Variants in PRKCH observed in about 807,000 individuals in gnomAD.
The protein encoded by PRKCH is protein kinase C eta type.
Under a neutral mutation model 82.5 loss-of-function variants are expected in PRKCH, and 28 were observed. That is an observed-to-expected ratio of 0.34 (90% CI 0.25 to 0.47). The LOEUF is 0.47. PRKCH is among the 20% of genes least tolerant of loss of function. PRKCH has a pLI of 1.00. For synonymous variants in PRKCH, 322 were observed against 327.4 expected, an observed-to-expected ratio of 0.98 and a Z score of 0.18; for missense variants, 705 against 881.8, an observed-to-expected ratio of 0.80 and a Z score of 2.54.
At chr14:61,385,232 A>C (rs2046569738) in intron 1 of PRKCH, among the ~76,000 whole-genome samples, 1 of 151,254 alleles carries the variant, frequency 6.6e-6, no homozygotes, top group African/African-American at 2.5e-5. Flanking sequence ...ACACTCTGTC[A>C]GTGCATTAGC....
chr14:61,211,992 G>C (rs942896411), intron 1 of PRKCH, among the ~76,000 whole-genome samples: 2 of 152,154 alleles, frequency 1.3e-5, no homozygotes, highest in Non-Finnish European at 2.9e-5. Context: ...CACAGCACCA[G>C]AGATTTTTTC....
At chr14:61,281,287 C>T (rs1025397456) in intron 1 of PRKCH, 1 of 414,300 alleles carries the variant, frequency 2.4e-6, no homozygotes, top group Non-Finnish European at 4.2e-6. Context: ...TTGCCCGGGC[C>T]CCTCCTCTGC....
At chr14:61,334,696 G>A (rs1056743078) in intron 1 of PRKCH, among the ~76,000 whole-genome samples, 4 of 152,130 alleles carry the variant, frequency 2.6e-5, no homozygotes, top group Non-Finnish European at 5.9e-5. Flanking sequence ...GAGTGTGAAC[G>A]ATGAGCAAGT....
At chr14:61,459,620 T>C (rs1026998708) in intron 9 of PRKCH, among the ~76,000 whole-genome samples, 2 of 152,222 alleles carry the variant, frequency 1.3e-5, no homozygotes, top group African/African-American at 2.4e-5. Context: ...TCAGGTTGTA[T>C]GTTTTAATTA....
Position 61,445,724 on chromosome 14 carries a change from A to T in PRKCH, c.611A>T (p.Gln204Leu), listed in dbSNP as rs1284143931. 1 of 1,606,968 alleles carries T rather than the reference A, an allele frequency of 6.2e-7. No individual in the cohort carries two copies. Residue 204 changes from glutamine to leucine, a missense_variant and splice_region_variant, in exon 4 of 14, where the codon CAA becomes CTA. Transcript: ENST00000332981. ...GVFGKQGYQC[Q>L]VCTCVVHKRC... ...TTTGGGAAACAGGGTTATCAGTGCC[A>T]AGGTAAGGAAACATTTTTAAAACCA...
chr14:61,318,331 G>T (rs1230276819), upstream of PRKCH, among the ~76,000 whole-genome samples: 2 of 151,144 alleles, frequency 1.3e-5, no homozygotes, highest in Admixed American at 1.3e-4. Context: ...CTTCCCCTGT[G>T]AACACAGGCA....
At chr14:61,199,414 T>C (rs1047951680) in intron 1 of PRKCH, among the ~76,000 whole-genome samples, 1 of 152,258 alleles carries the variant, frequency 6.6e-6, no homozygotes, top group Admixed American at 6.5e-5. Context: ...CTAAAAATTC[T>C]AAAATGAAGT....
chr14:61,188,704 A>AGTGTGTGTGTGTGTGTGTGTGTGT lies in PRKCH; in HGVS notation c.-19+1048_-19+1071dup, dbSNP rs754540967. 2.5e-4 allele frequency among the ~76,000 whole-genome samples: 22 copies of AGTGTGTGTGTGTGTGTGTGTGTGT among 87,884 alleles called. 1 individual carries two copies. The highest frequency in any genetic ancestry group is 5.1e-4 in the Admixed American group (4 of 7,824). The allele number at this position is 87,884 out of a possible 152,430, so 57.7% of individuals were successfully genotyped here. On this transcript the variant is annotated intron_variant, in intron 1 of 3. Transcript: ENST00000555185. ...CCTCCTCACCCCCAGACGTTGCTGT[A>AGTGTGTGTGTGTGTGTGTGTGTGT]GTGTGTGTGTGTGTGTGTGTGTGTG...
chr14:61,512,436 T>C (rs889464308), intron 10 of PRKCH, among the ~76,000 whole-genome samples: 2 of 152,070 alleles, frequency 1.3e-5, no homozygotes, highest in Non-Finnish European at 2.9e-5. Flanking sequence ...CGATTCCTAG[T>C]AAAAAATTTT....
intron 1 of PRKCH, among the ~76,000 whole-genome samples, chr14:61,231,261 C>T (rs2044740656): frequency 6.6e-6 from 1 of 152,110 alleles, no homozygotes; most frequent in African/African-American, 2.4e-5. Context: ...CAATTCAATA[C>T]ACACAGGGTT....
intron 1 of PRKCH, among the ~76,000 whole-genome samples, chr14:61,289,192 G>C (rs1449676026): frequency 6.6e-6 from 1 of 152,172 alleles, no homozygotes; most frequent in Non-Finnish European, 1.5e-5. Flanking sequence ...TCCTTAATAA[G>C]AACATCTCTA....
At chr14:61,210,800 G>GTT in intron 1 of PRKCH, among the ~76,000 whole-genome samples, 1 of 151,700 alleles carries the variant, frequency 6.6e-6, no homozygotes, top group Admixed American at 6.6e-5. Flanking sequence ...CTGTGTGTGT[G>GTT]TGTGTGTGTG....
At chr14:61,294,801 T>A (rs1731712249) in intron 1 of PRKCH, among the ~76,000 whole-genome samples, 2 of 151,950 alleles carry the variant, frequency 1.3e-5, no homozygotes, top group Non-Finnish European at 2.9e-5. Context: ...GCAAAAAAAA[T>A]ATCAGTATAT....
chr14:61,309,014 T>C (rs1260036861), intron 1 of PRKCH, among the ~76,000 whole-genome samples: 2 of 150,068 alleles, frequency 1.3e-5, no homozygotes, highest in Non-Finnish European at 2.9e-5. Flanking sequence ...CGGGGCACCA[T>C]GTCTCATGCC....
rs149408063 is a variant in PRKCH, at chr14:61,243,712, G to A, written c.-19+56044G>A. Among the ~76,000 whole-genome samples the A allele has an allele frequency of 1.1e-4, 17 of 152,226 alleles. No homozygotes were observed. In the East Asian group the frequency reaches 3.1e-3, roughly 28 times the overall value. ...TTTTATTTTTAATTTCAAATCATTTGTTATCTGTAAGGAGTTCTTGGATTT... is the reference window on the plus strand; with the variant it reads ...TTTTATTTTTAATTTCAAATCATTTATTATCTGTAAGGAGTTCTTGGATTT... On this transcript the variant is annotated intron_variant, in intron 1 of 3. Coordinates refer to the PRKCH transcript ENST00000555185.
intron 9 of PRKCH, among the ~76,000 whole-genome samples, chr14:61,471,687 G>A (rs1885511168): frequency 6.6e-6 from 1 of 151,842 alleles, no homozygotes; most frequent in African/African-American, 2.4e-5. Flanking sequence ...AAAAATCACT[G>A]ATTTGCATAA....
At chr14:61,215,651 A>G (rs1045309285) in intron 1 of PRKCH, among the ~76,000 whole-genome samples, 1 of 152,212 alleles carries the variant, frequency 6.6e-6, no homozygotes, top group African/African-American at 2.4e-5. Flanking sequence ...TAGGTATTTG[A>G]TAAGTGCTTG....
intron 2 of PRKCH, among the ~76,000 whole-genome samples, chr14:61,421,305 G>C (rs1245665447): frequency 6.6e-6 from 1 of 152,018 alleles, no homozygotes; most frequent in Non-Finnish European, 1.5e-5. Context: ...AACACTATAA[G>C]ATTGAATGGA....
At chr14:61,547,992 A>T (rs2043281243) in intron 13 of PRKCH, 106 bp downstream of exon 13, 3 of 1,456,244 alleles carry the variant, frequency 2.1e-6, no homozygotes, top group African/African-American at 2.8e-5. Context: ...ACAGACCAGA[A>T]ATTCAGCTGG....
Sources: gnomAD v4.1 joint callset for allele counts (sites outside exome capture counted in the v4.1 genomes callset) on GRCh38, gnomAD v4.1.1 for gene constraint, MANE v1.5 for transcripts, NCBI Gene and HGNC (gene_info 2026-07-23, HGNC 2026-07-21) for gene names.